The following KLF12 variants were observed in gnomAD, a reference collection of about 807,000 sequenced individuals.
KLF12 encodes Krueppel-like factor 12.
KLF12 carries 9 observed loss-of-function variants against 37.8 expected under a neutral mutation model. The observed-to-expected ratio is 0.24, with a 90% CI of 0.14 to 0.42. KLF12 has a LOEUF of 0.42. KLF12 is among the 10% of genes least tolerant of loss of function. KLF12 has a pLI of 1.00. For synonymous variants in KLF12, 208 were observed against 202.1 expected (o/e 1.03, Z -0.25); for missense variants, 411 against 516.0 (o/e 0.80, Z 1.97).
intron 7 of KLF12, among the ~76,000 whole-genome samples, chr13:73,711,819 C>G (rs1875422907): frequency 3.3e-5 from 5 of 152,158 alleles, no homozygotes. Flanking sequence ...AGCTCCATAG[C>G]TAGTGATTCC....
intron 4 of KLF12, among the ~76,000 whole-genome samples, chr13:73,832,022 A>G (rs1013265127): frequency 2.6e-5 from 4 of 152,252 alleles, no homozygotes; most frequent in Non-Finnish European, 5.9e-5. Context: ...CACAAAGAAC[A>G]TAACAAATAT....
chr13:74,163,816 T>A, the KLF12 span, among the ~76,000 whole-genome samples: 2 of 141,772 alleles, frequency 1.4e-5, no homozygotes, highest in Non-Finnish European at 3.0e-5. Flanking sequence ...TGCATGTCTG[T>A]ATCAAAACAT....
At chr13:73,796,382 A>G (rs912939165) in intron 5 of KLF12, among the ~76,000 whole-genome samples, 3 of 25,308 alleles carry the variant, frequency 1.2e-4, no homozygotes, top group East Asian at 2.2e-3. Context: ...TTTTCCCTCA[A>G]CTAACTAAAC....
chr13:73,839,256 TTA>T lies in KLF12; in HGVS notation c.670+6569_670+6570del, dbSNP rs199806801. 9.7e-4 allele frequency among the ~76,000 whole-genome samples: 81 copies of T among 83,510 alleles called. 3 individuals carry two copies. In the East Asian group the frequency reaches 0.01, roughly 11 times the overall value. 54.8% of individuals were successfully genotyped at this position (83,510 alleles called of 152,430 possible). ...CACAGGTGCTTACCACCATACCTGGTTATTTTTTTTTTTTTTTTGTATTTTTG... is the reference window on the plus strand; with the variant it reads ...CACAGGTGCTTACCACCATACCTGGTTTTTTTTTTTTTTTTTGTATTTTTG... On this transcript the variant is annotated intron_variant, in intron 4 of 7. Coordinates refer to ENST00000377669, the MANE Select transcript of KLF12 (RefSeq NM_007249.5).
chr13:74,139,518 A>G, the KLF12 span, among the ~76,000 whole-genome samples: 2 of 152,260 alleles, frequency 1.3e-5, no homozygotes, highest in Non-Finnish European at 2.9e-5. Context: ...ATACCTTTTG[A>G]ACATTAATTC....
At chr13:74,184,443 T>A in the KLF12 span, among the ~76,000 whole-genome samples, 1 of 151,760 alleles carries the variant, frequency 6.6e-6, no homozygotes, top group Non-Finnish European at 1.5e-5. Flanking sequence ...AAAAAAAAAA[T>A]TGAATATAAT....
chr13:74,014,251 G>T (rs1892627034), intron 1 of KLF12, among the ~76,000 whole-genome samples: 1 of 152,222 alleles, frequency 6.6e-6, no homozygotes, highest in Admixed American at 6.5e-5. Context: ...CACCAGCCCA[G>T]TGGATAGAGG....
the KLF12 span, among the ~76,000 whole-genome samples, chr13:74,230,152 TG>T: frequency 6.6e-6 from 1 of 152,190 alleles, no homozygotes. Flanking sequence ...AATTGAATCA[TG>T]GGGGCAGTTC....
chr13:73,715,593 G>A (rs1875742478), intron 6 of KLF12, 68 bp from the exon 7 acceptor site: 1 of 1,496,188 alleles, frequency 6.7e-7, no homozygotes, highest in Non-Finnish European at 9.2e-7. Context: ...TGGTGGCATG[G>A]GAACATTGTC....
In KLF12 at chr13:73,990,936, C is replaced by T. The variant is rs796284198; in HGVS notation, c.33+4054G>A. On this transcript the variant is annotated intron_variant, in intron 2 of 7. Transcript: ENST00000377669. Reference sequence around the variant, plus strand: ...ATAAATAATGTTCACCGAATATGAACAGAAGATATGAGGCACGGAGATGAT... The same window carrying T: ...ATAAATAATGTTCACCGAATATGAATAGAAGATATGAGGCACGGAGATGAT... Among the ~76,000 whole-genome samples the T allele has an allele frequency of 7.2e-5, 11 of 152,056 alleles. No homozygotes were observed. The South Asian group carries it at 2.3e-3, about 32-fold the overall frequency.
At chr13:73,867,940 G>C (rs1594190694) in intron 3 of KLF12, among the ~76,000 whole-genome samples, 1 of 151,406 alleles carries the variant, frequency 6.6e-6, no homozygotes, top group East Asian at 2.0e-4. Flanking sequence ...AGAATCGCTT[G>C]AACCTGGGAG....
chr13:74,024,313 A>G (rs1325045246), intron 1 of KLF12, among the ~76,000 whole-genome samples: 1 of 152,236 alleles, frequency 6.6e-6, no homozygotes, highest in African/African-American at 2.4e-5. Flanking sequence ...CAAATATCCA[A>G]CAAAATAGTA....
At chr13:74,193,865 A>G in the KLF12 span, among the ~76,000 whole-genome samples, 4 of 152,104 alleles carry the variant, frequency 2.6e-5, no homozygotes, top group African/African-American at 7.2e-5. Flanking sequence ...ACGTGTCCCT[A>G]TGCTACTAGT....
At chr13:73,738,124 T>C (rs12863550) in intron 6 of KLF12, among the ~76,000 whole-genome samples, 30,938 of 78,966 alleles carry the variant, frequency 0.39, 4,974 homozygotes, top group Non-Finnish European at 0.46. Flanking sequence ...TATATATATA[T>C]ACACACACAC....
chr13:73,740,119 C>T (rs113931293), intron 6 of KLF12, among the ~76,000 whole-genome samples: 2,819 of 152,172 alleles, frequency 0.019, 72 homozygotes, highest in African/African-American at 0.061. Context: ...AGCAAGAACA[C>T]AAGTTAAAAA....
rs147286321 is a variant in KLF12, at chr13:73,836,673, C to T, written c.670+9154G>A. On this transcript the variant is annotated intron_variant, in intron 4 of 7. Transcript: ENST00000377669. ...AGCATATTTAATAAGAACATAATTC[C>T]AGGATAGAAAAAATTAGTTTTTTTT... Among the ~76,000 whole-genome samples the T allele has an allele frequency of 5.5e-3, 829 of 151,936 alleles. 3 individuals are homozygous for T. Among genetic ancestry groups the T allele is most frequent in the South Asian group, 7.5e-3 (36 of 4,816 alleles).
At chr13:73,876,583 T>C (rs1262866327) in intron 3 of KLF12, among the ~76,000 whole-genome samples, 1 of 152,214 alleles carries the variant, frequency 6.6e-6, no homozygotes. Context: ...GAATTGTGCA[T>C]TCCACATTCA....
chr13:74,212,130 T>C, the KLF12 span, among the ~76,000 whole-genome samples: 1 of 152,324 alleles, frequency 6.6e-6, no homozygotes, highest in Admixed American at 6.5e-5. Flanking sequence ...TTAGTTATCT[T>C]GCCAACATTT....
At chr13:73,713,340 C>G (rs754107923) in intron 7 of KLF12, among the ~76,000 whole-genome samples, 1 of 152,156 alleles carries the variant, frequency 6.6e-6, no homozygotes, top group Non-Finnish European at 1.5e-5. Context: ...TGCGGCCACT[C>G]AGAGCATTTA....
Sources: allele counts gnomAD v4.1 joint callset (sites outside exome capture counted in the v4.1 genomes callset), GRCh38; gene constraint gnomAD v4.1.1; transcripts MANE v1.5; gene names NCBI Gene and HGNC (gene_info 2026-07-23, HGNC 2026-07-21).